SLC19A1: variants seen among roughly 807,000 people sequenced by gnomAD.
SLC19A1 encodes solute carrier family 19 member 1.
Under a neutral mutation model 35.3 loss-of-function variants are expected in SLC19A1, and 37 were observed. The observed-to-expected ratio is 1.05, with a 90% confidence interval of 0.81 to 1.38. The LOEUF (loss-of-function observed/expected upper bound fraction) is 1.38, where lower values mean the gene tolerates loss of function less well. SLC19A1 is among the 40% of genes most tolerant of loss of function. The pLI is 0.00. For missense variants in SLC19A1, 831 were observed against 826.9 expected, an observed-to-expected ratio of 1.00 and a Z score of -0.06; for synonymous variants, 460 against 398.5, an observed-to-expected ratio of 1.15 and a Z score of -1.84.
At chr21:45,535,062 G>A (rs935060639) in intron 2 of SLC19A1, among the ~76,000 whole-genome samples, 16 of 152,278 alleles carry the variant, frequency 1.1e-4, no homozygotes, top group Admixed American at 5.9e-4. Flanking sequence ...AGGGCCAGGC[G>A]TGGGGCAGCA....
intron 4 of SLC19A1, among the ~76,000 whole-genome samples, chr21:45,529,686 TGTG>T (rs1321832078): frequency 6.6e-6 from 1 of 150,582 alleles, no homozygotes; most frequent in African/African-American, 2.5e-5. Flanking sequence ...TGTGTGAGCA[TGTG>T]TTGTGTGTCC....
At position 45,534,161 on chromosome 21, in the gene SLC19A1, C is replaced by G. The variant is rs1206252588; in HGVS notation, c.190-2013G>C. Among the ~76,000 whole-genome samples, 3 of 152,222 alleles carry G rather than the reference C, an allele frequency of 2.0e-5. No individual in the cohort carries two copies. The highest frequency in any genetic ancestry group is 7.2e-5 in the African/African-American group (3 of 41,454). ...AGTGAGCCCGCCGGGTCACAGAGAGCCTCAGGGCCAGCCATCGGCTTCTGC... is the reference window on the plus strand; with the variant it reads ...AGTGAGCCCGCCGGGTCACAGAGAGGCTCAGGGCCAGCCATCGGCTTCTGC... On this transcript the variant is annotated intron_variant, in intron 2 of 5. Transcript: ENST00000311124. This position sits in a 1 kb window ranked among gnomAD's most constrained non-coding sequence, Gnocchi z 4.2.
chr21:45,559,315 T>C (rs1022216109), intron 1 of SLC19A1, among the ~76,000 whole-genome samples: 2 of 152,098 alleles, frequency 1.3e-5, no homozygotes, highest in Non-Finnish European at 2.9e-5. Context: ...CCTGGGTCCA[T>C]CAGGGAATTG....
chr21:45,523,208 G>A (rs574279569), intron 5 of SLC19A1, among the ~76,000 whole-genome samples: 5 of 152,202 alleles, frequency 3.3e-5, no homozygotes, highest in South Asian at 2.1e-4. Context: ...GTGGACACTC[G>A]GCACCCAGTA....
chr21:45,503,677 C>A (rs1161032757), intron 3 of SLC19A1, among the ~76,000 whole-genome samples: 1 of 150,638 alleles, frequency 6.6e-6, no homozygotes, highest in Non-Finnish European at 1.5e-5. Context: ...GGGAGATATA[C>A]CTAATGCTAG....
upstream of SLC19A1, among the ~76,000 whole-genome samples, chr21:45,549,162 C>G (rs11701905): frequency 2.0e-5 from 3 of 152,178 alleles, no homozygotes; most frequent in Non-Finnish European, 4.4e-5. Flanking sequence ...AGGATAAACA[C>G]GCAGTACATC....
At chr21:45,561,786 T>A (rs1195501039) in intron 1 of SLC19A1, among the ~76,000 whole-genome samples, 1 of 151,310 alleles carries the variant, frequency 6.6e-6, no homozygotes, top group African/African-American at 2.4e-5. Context: ...AAATAATAAA[T>A]AATTAAAAAA....
At chr21:45,510,317 G>T, downstream of SLC19A1, 1 of 1,535,344 alleles carries the variant, frequency 6.5e-7, no homozygotes, top group African/African-American at 1.4e-5. Context: ...TGACCTCTGG[G>T]GTGAACTCCC....
At position 45,515,682 on chromosome 21, in the gene SLC19A1, G is replaced by A. The variant is rs765602717; in HGVS notation, c.1752C>T (p.Asp584=). Reference sequence around the variant, plus strand: ...GTCACTGGTTCACATTCTGAACACCGTCGCTTGGAAGACACTGCAAACCCA... The same window carrying A: ...GTCACTGGTTCACATTCTGAACACCATCGCTTGGAAGACACTGCAAACCCA... ...SKLGLQCLPS[D]GVQNVNQ is the part of the protein sequence containing the mutation. Residue 584 remains aspartate, a synonymous_variant, in exon 6 of 6, where the codon GAC becomes GAT. Coordinates refer to ENST00000311124, the MANE Select transcript of SLC19A1 (RefSeq NM_194255.4). The A allele has an allele frequency of 1.4e-5, 22 of 1,613,556 alleles. No homozygotes were observed. The highest frequency in any genetic ancestry group is 1.7e-5 in the Admixed American group (1 of 60,002).
intron 5 of SLC19A1, among the ~76,000 whole-genome samples, chr21:45,524,066 G>A (rs184530042): frequency 5.3e-5 from 8 of 151,876 alleles, no homozygotes; most frequent in East Asian, 1.9e-4. Context: ...TGTCCTGAGC[G>A]TTCACCCCTG....
Position 45,515,477 on chromosome 21 carries a change from C to A in SLC19A1, c.*181G>T. Reference sequence around the variant, plus strand: ...GGGACAGCATGGCCAGGCAGCTGCCCTGAGTGTCGCCAGCACGCTGTGGCC... The same window carrying A: ...GGGACAGCATGGCCAGGCAGCTGCCATGAGTGTCGCCAGCACGCTGTGGCC... On this transcript the variant is annotated 3_prime_UTR_variant, in exon 6 of 6. Transcript: ENST00000311124. 6.7e-7 allele frequency: 1 copy of A among 1,497,092 alleles called. No homozygotes were observed. 92.7% of individuals were successfully genotyped at this position (1,497,092 alleles called of 1,614,324 possible).
At chr21:45,551,744 T>C (rs541906733) in intron 1 of SLC19A1, among the ~76,000 whole-genome samples, 4 of 152,350 alleles carry the variant, frequency 2.6e-5, no homozygotes, top group African/African-American at 7.2e-5. Flanking sequence ...AAAATGCATA[T>C]TCTCTATGCA....
At chr21:45,509,301 G>A (rs2037430792), downstream of SLC19A1, 3 of 1,534,546 alleles carry the variant, frequency 2.0e-6, no homozygotes, top group South Asian at 1.2e-5. Context: ...CACAGATGGA[G>A]GAGGGGCACC....
chr21:45,512,046 G>A (rs988003656), downstream of SLC19A1: 13 of 863,104 alleles, frequency 1.5e-5, no homozygotes, highest in Non-Finnish European at 2.1e-5. Context: ...AGGCCATGTG[G>A]CCCTCCAGGT....
chr21:45,506,550 C>A, intron 3 of SLC19A1: 1 of 196,552 alleles, frequency 5.1e-6, no homozygotes, highest in Non-Finnish European at 1.1e-5. Context: ...CCGCTCTGAT[C>A]CAGGTGGGTG....
intron 3 of SLC19A1, chr21:45,504,358 GC>G: frequency 6.4e-7 from 1 of 1,561,676 alleles, no homozygotes; most frequent in Middle Eastern, 1.8e-4. Context: ...GGGATGGGAG[GC>G]CACCTGTGGC....
chr21:45,505,892 G>A lies in SLC19A1; in HGVS notation c.498-7280C>T, dbSNP rs201265799. Reference sequence around the variant, plus strand: ...GCTGGGCCAGGTGCACGAGGTTCCCGAGGGCTGGCTCATCTTCGTGGCCGA... The same window carrying A: ...GCTGGGCCAGGTGCACGAGGTTCCCAAGGGCTGGCTCATCTTCGTGGCCGA... On this transcript the variant is annotated intron_variant, in intron 3 of 4. Coordinates refer to the SLC19A1 transcript ENST00000417954. The A allele has an allele frequency of 6.1e-5, 99 of 1,612,450 alleles. No individual in the cohort carries two copies. Among genetic ancestry groups the A allele is most frequent in the Admixed American group, 6.0e-4 (36 of 59,990 alleles).
At chr21:45,558,079 G>A (rs1248798784) in intron 1 of SLC19A1, among the ~76,000 whole-genome samples, 2 of 152,240 alleles carry the variant, frequency 1.3e-5, no homozygotes, top group East Asian at 1.9e-4. Flanking sequence ...AGACAGCGGC[G>A]GCATCGTCTC....
intron 1 of SLC19A1, among the ~76,000 whole-genome samples, chr21:45,555,160 C>CAGGGGGCGCCGCA: frequency 2.4e-5 from 1 of 41,824 alleles, no homozygotes; most frequent in East Asian, 8.1e-4. Context: ...CAGGGGGCGG[C>CAGGGGGCGCCGCA]GGGGGCGGCG....
Sources: gnomAD v4.1 joint callset for allele counts (sites outside exome capture counted in the v4.1 genomes callset) on GRCh38, gnomAD v4.1.1 for gene constraint, Gnocchi (gnomAD v3.1) non-coding constraint, MANE v1.5 for transcripts, NCBI Gene and HGNC (gene_info 2026-07-23, HGNC 2026-07-21) for gene names.